The following BAZ2B variants were observed in gnomAD, a reference collection of about 807,000 sequenced individuals.
The protein encoded by BAZ2B is bromodomain adjacent to zinc finger domain protein 2B.
A neutral mutation model predicts 246.0 loss-of-function variants in BAZ2B; 91 were observed. That is an observed-to-expected ratio of 0.37 (90% CI 0.31 to 0.44). The LOEUF is 0.44. Ranked by LOEUF, BAZ2B falls within the 20% of genes least tolerant of loss-of-function variation. The pLI is 1.00. For synonymous variants in BAZ2B, 855 were observed against 860.0 expected (o/e 0.99, Z 0.10); for missense variants, 2,332 against 2,533.7 (o/e 0.92, Z 1.71).
intron 32 of BAZ2B, 185 bp downstream of exon 32, chr2:159,337,382 C>G (rs2065862432): frequency 7.2e-7 from 1 of 1,384,670 alleles, no homozygotes. Flanking sequence ...CAAGAAGATA[C>G]ATAGATAACA....
At chr2:159,579,207 A>G (rs922245540) in intron 1 of BAZ2B, among the ~76,000 whole-genome samples, 5 of 129,382 alleles carry the variant, frequency 3.9e-5, no homozygotes, top group Non-Finnish European at 8.1e-5. Context: ...AGAGAGAAGA[A>G]TCAAATAGAC....
intron 2 of BAZ2B, among the ~76,000 whole-genome samples, chr2:159,501,157 T>TA (rs35919978): frequency 0.76 from 70,530 of 92,328 alleles, 27,838 homozygotes; most frequent in Non-Finnish European, 0.84. Context: ...ATAATATATA[T>TA]AAATATATAA....
At chr2:159,325,611 G>T in intron 35 of BAZ2B, 42 bp downstream of exon 35, 1 of 1,537,656 alleles carries the variant, frequency 6.5e-7, no homozygotes, top group South Asian at 1.3e-5. Context: ...CAAATAAAAT[G>T]GGGCATTATA....
the BAZ2B span, among the ~76,000 whole-genome samples, chr2:159,687,310 G>C: frequency 6.6e-6 from 1 of 152,108 alleles, no homozygotes; most frequent in Non-Finnish European, 1.5e-5. Flanking sequence ...CTACTAAGGT[G>C]AACAGCCTCA....
At chr2:159,444,853 A>G (rs1224381160) in intron 6 of BAZ2B, 1 of 152,502 alleles carries the variant, frequency 6.6e-6, no homozygotes, top group East Asian at 1.9e-4. Context: ...TTTATAAAAC[A>G]CAGAAGAGAA....
At chr2:159,383,833 T>C (rs2062297879) in intron 23 of BAZ2B, among the ~76,000 whole-genome samples, 153 bp from the exon 24 acceptor site, 2 of 152,082 alleles carry the variant, frequency 1.3e-5, no homozygotes, top group South Asian at 4.1e-4. Flanking sequence ...TTCATATATG[T>C]ATGTGTTTAT....
At chr2:159,554,016 C>A (rs2088721348) in intron 2 of BAZ2B, among the ~76,000 whole-genome samples, 4 of 152,102 alleles carry the variant, frequency 2.6e-5, no homozygotes, top group African/African-American at 9.7e-5. Flanking sequence ...ACCCTCTTTT[C>A]TTAACTCAAA....
Position 159,549,469 on chromosome 2 carries a change from T to C in BAZ2B, c.-3+6354A>G, listed in dbSNP as rs374132253. Among the ~76,000 whole-genome samples the C allele has an allele frequency of 1.4e-3, 214 of 152,330 alleles. 2 individuals are homozygous for C. The highest frequency in any genetic ancestry group is 6.8e-3 in the Middle Eastern group (2 of 294). ...CCCCTGTGCTAGACAGAATGAATCA[T>C]TTCCCTTTCCATTCTTCTCCTAAAA... is the stretch of plus-strand genomic sequence containing the variant. On this transcript the variant is annotated intron_variant, in intron 2 of 36. Transcript: ENST00000392783.
intron 27 of BAZ2B, among the ~76,000 whole-genome samples, chr2:159,370,581 C>G (rs182872464): frequency 6.6e-5 from 10 of 151,848 alleles, no homozygotes; most frequent in Admixed American, 5.2e-4. Flanking sequence ...ACCACGTTAA[C>G]CAGGATGGTC....
chr2:159,501,044 C>A (rs1470287420), intron 2 of BAZ2B, among the ~76,000 whole-genome samples: 1 of 141,044 alleles, frequency 7.1e-6, no homozygotes, highest in African/African-American at 2.6e-5. Flanking sequence ...CTGAGGCAGG[C>A]GGACTGCTTG....
At chr2:159,500,825 A>G (rs970492264) in intron 2 of BAZ2B, among the ~76,000 whole-genome samples, 2 of 151,762 alleles carry the variant, frequency 1.3e-5, no homozygotes, top group South Asian at 2.1e-4. Context: ...GTGGTGGTGC[A>G]TGCCTGTAAT....
chr2:159,603,132 G>A (rs1024034735), intron 1 of BAZ2B, among the ~76,000 whole-genome samples: 13 of 152,106 alleles, frequency 8.5e-5, no homozygotes, highest in Middle Eastern at 3.2e-3. Flanking sequence ...GCGAGACTCC[G>A]TCTCAAAAAA....
chr2:159,638,061 A>C, the BAZ2B span, among the ~76,000 whole-genome samples: 27 of 152,368 alleles, frequency 1.8e-4, no homozygotes, highest in African/African-American at 6.3e-4. Flanking sequence ...CCCCAGTTCC[A>C]GGTGACTCAG....
the BAZ2B span, chr2:159,693,854 A>G: frequency 6.6e-6 from 1 of 152,116 alleles, no homozygotes; most frequent in Non-Finnish European, 1.5e-5. Context: ...ACAGGTGTGT[A>G]CTACTGTGCC....
At chr2:159,662,751 T>C in the BAZ2B span, among the ~76,000 whole-genome samples, 1 of 151,890 alleles carries the variant, frequency 6.6e-6, no homozygotes, top group Non-Finnish European at 1.5e-5. Context: ...AGGCTGGCTT[T>C]GAACTCCTGA....
At position 159,385,249 on chromosome 2, in the gene BAZ2B, T is replaced by C. The variant is rs1343483249; in HGVS notation, c.3592A>G (p.Lys1198Glu). 2 of 1,613,588 alleles carry C rather than the reference T, an allele frequency of 1.2e-6. No homozygotes were observed. Among genetic ancestry groups the C allele is most frequent in the Non-Finnish European group, 8.5e-7 (1 of 1,179,676 alleles). ...CGQTELTESL[K>E]TKAFQAHTPA... ...GTGTGAGCCTGAAAAGCTTTGGTCT[T>C]CAGACTTTCAGTAAGCTCAGTTTGT... The change falls in exon 23 of 37, where the codon AAG becomes GAG. Residue 1198 changes from lysine to glutamate, a missense_variant. Physicochemically the swap from Lys to Glu is moderately conservative, Grantham distance 56. Coordinates refer to ENST00000392783, the MANE Select transcript of BAZ2B (RefSeq NM_013450.4).
chr2:159,340,937 A>G (rs1169534242), intron 31 of BAZ2B, among the ~76,000 whole-genome samples: 1 of 152,160 alleles, frequency 6.6e-6, no homozygotes, highest in Non-Finnish European at 1.5e-5. Flanking sequence ...ACAAAAATAA[A>G]TAATAATCAA....
intron 31 of BAZ2B, 112 bp from the exon 32 acceptor site, chr2:159,337,884 C>A: frequency 2.9e-6 from 3 of 1,032,882 alleles, no homozygotes; most frequent in South Asian, 4.2e-5. Flanking sequence ...AGGATTGTTA[C>A]TAAAAGATTT....
intron 2 of BAZ2B, among the ~76,000 whole-genome samples, chr2:159,491,521 C>T (rs1291017454): frequency 6.6e-6 from 1 of 150,764 alleles, no homozygotes; most frequent in Admixed American, 6.6e-5. Flanking sequence ...GAGATCGAGA[C>T]CATCCCGGCT....
Sources: gnomAD v4.1 joint callset for allele counts (sites outside exome capture counted in the v4.1 genomes callset) on GRCh38, gnomAD v4.1.1 for gene constraint, MANE v1.5 for transcripts, NCBI Gene and HGNC (gene_info 2026-07-23, HGNC 2026-07-21) for gene names.